Variants in RECK observed in about 807,000 individuals in gnomAD.
RECK encodes the protein reversion inducing cysteine rich protein with kazal motifs, also known as reversion-inducing cysteine-rich protein with Kazal motifs.
RECK carries 69 observed loss-of-function variants against 115.1 expected under a neutral mutation model. That is an observed-to-expected ratio of 0.60 (90% CI 0.49 to 0.73). RECK has a LOEUF of 0.73. Ranked by LOEUF, RECK falls within the 30% of genes least tolerant of loss-of-function variation. The probability of loss-of-function intolerance (pLI) is 0.00; values close to 1 mark genes in which losing one functional copy is unlikely to be tolerated. For missense variants in RECK, 1,047 were observed against 1,203.7 expected, an observed-to-expected ratio of 0.87 and a Z score of 1.93; for synonymous variants, 414 against 419.7, an observed-to-expected ratio of 0.99 and a Z score of 0.17.
chr9:36,085,469 C>T (rs1040617776), intron 8 of RECK: 1 of 154,370 alleles, frequency 6.5e-6, no homozygotes, highest in Non-Finnish European at 1.5e-5. Context: ...TGTCTGTAAT[C>T]TCAGCGCTTT....
chr9:36,113,653 C>G (rs113567659), intron 16 of RECK, among the ~76,000 whole-genome samples: 101 of 152,196 alleles, frequency 6.6e-4, no homozygotes, highest in African/African-American at 2.4e-3. Flanking sequence ...GCTACATGAA[C>G]CTCAAAATTT....
chr9:36,071,203 C>T (rs1054949153), intron 6 of RECK, among the ~76,000 whole-genome samples: 15 of 152,102 alleles, frequency 9.9e-5, no homozygotes, highest in African/African-American at 2.4e-4. Context: ...GCATAGTCTT[C>T]GTTCACAGGT....
In RECK at chr9:36,078,615, AC is replaced by A. The variant is rs570974034; in HGVS notation, c.406-1986del. On this transcript the variant is annotated intron_variant, in intron 6 of 20. Coordinates refer to ENST00000377966, the MANE Select transcript of RECK (RefSeq NM_021111.3). ...CAAATGTACCATGGGAAGCAAAATC[AC>A]CCCTAGTTGAAAACCACTTCTGTGG... Among the ~76,000 whole-genome samples the A allele has an allele frequency of 2.6e-3, 401 of 152,218 alleles. 3 individuals carry two copies. Among genetic ancestry groups the A allele is most frequent in the African/African-American group, 9.3e-3 (385 of 41,524 alleles).
chr9:36,084,121 T>A (rs1822844109), intron 8 of RECK, among the ~76,000 whole-genome samples: 1 of 151,844 alleles, frequency 6.6e-6, no homozygotes, highest in Non-Finnish European at 1.5e-5. Context: ...CAAGGCTGAG[T>A]GTGGTCGCTC....
chr9:36,048,156 T>TAC (rs913551981), intron 1 of RECK, among the ~76,000 whole-genome samples: 12 of 129,354 alleles, frequency 9.3e-5, no homozygotes, highest in Admixed American at 8.5e-4. Context: ...TATATATATA[T>TAC]ATATGTAAAA....
chr9:36,055,037 C>A (rs1821466514), intron 2 of RECK, among the ~76,000 whole-genome samples: 1 of 152,160 alleles, frequency 6.6e-6, no homozygotes, highest in Admixed American at 6.5e-5. Context: ...GGGTAAAAAA[C>A]TTCTCAGAAT....
At chr9:36,098,510 T>A (rs986085105) in intron 10 of RECK, among the ~76,000 whole-genome samples, 3 of 152,232 alleles carry the variant, frequency 2.0e-5, no homozygotes, top group Non-Finnish European at 4.4e-5. Flanking sequence ...ATTCTTGTAG[T>A]ATGTTACTAC....
At chr9:36,083,668 A>G (rs183126840) in intron 8 of RECK, 106 bp downstream of exon 8, 4 of 1,181,980 alleles carry the variant, frequency 3.4e-6, no homozygotes, top group Non-Finnish European at 3.5e-6. Flanking sequence ...CATTTGAGAA[A>G]TATCAGACTT....
At position 36,036,961 on chromosome 9, in the gene RECK, C is replaced by T. The variant is rs1326801117; in HGVS notation, c.-38C>T. On this transcript the variant is annotated 5_prime_UTR_variant, in exon 1 of 21. Coordinates refer to ENST00000377966, the MANE Select transcript of RECK (RefSeq NM_021111.3). The stretch of plus-strand genomic sequence containing the variant: ...GGCAGCGGCTGCGGCCAAGCTGGGT[C>T]CGAGCATCCCGCGGCTCTGGAGCCG... The T allele has an allele frequency of 8.1e-6, 11 of 1,351,384 alleles. No individual in the cohort carries two copies. Among genetic ancestry groups the T allele is most frequent in the Non-Finnish European group, 2.9e-6 (3 of 1,038,640 alleles). The allele number at this position is 1,351,384 out of a possible 1,614,324, so 83.7% of individuals were successfully genotyped here.
chr9:36,116,583 C>T (rs1824277199), intron 16 of RECK, among the ~76,000 whole-genome samples: 1 of 152,232 alleles, frequency 6.6e-6, no homozygotes, highest in African/African-American at 2.4e-5. Context: ...CTGTCTGTGC[C>T]TGCTTGGCTC....
chr9:36,105,540 A>T (rs773400428), intron 13 of RECK, among the ~76,000 whole-genome samples: 17 of 152,208 alleles, frequency 1.1e-4, no homozygotes, highest in Non-Finnish European at 2.1e-4. Flanking sequence ...ATTGTAAACT[A>T]ATAATAACAG....
At chr9:36,052,784 G>A (rs1821358368) in intron 2 of RECK, among the ~76,000 whole-genome samples, 1 of 152,096 alleles carries the variant, frequency 6.6e-6, no homozygotes, top group Non-Finnish European at 1.5e-5. Flanking sequence ...ACAGATTAAA[G>A]GAAACTAAAG....
intron 5 of RECK, 52 bp downstream of exon 5, chr9:36,063,932 A>G (rs1564108146): frequency 2.6e-6 from 4 of 1,551,820 alleles, no homozygotes; most frequent in Admixed American, 1.7e-5. Flanking sequence ...GTTTGGTTTT[A>G]GCTGTGCACA....
intron 1 of RECK, among the ~76,000 whole-genome samples, chr9:36,050,538 C>A (rs1193989661): frequency 6.6e-6 from 1 of 152,184 alleles, no homozygotes; most frequent in East Asian, 1.9e-4. Context: ...TCCTCCCTTA[C>A]TCCTGTGTAT....
intron 15 of RECK, among the ~76,000 whole-genome samples, chr9:36,111,223 A>G (rs1316272095): frequency 6.6e-6 from 1 of 152,212 alleles, no homozygotes; most frequent in African/African-American, 2.4e-5. Context: ...TAGCAGACTA[A>G]GGAAATTTTA....
intron 7 of RECK, among the ~76,000 whole-genome samples, chr9:36,082,844 C>A (rs537967271): frequency 2.0e-5 from 3 of 152,192 alleles, no homozygotes; most frequent in Non-Finnish European, 4.4e-5. Flanking sequence ...CCTTACATCA[C>A]TTAGTTTTTA....
intron 8 of RECK, among the ~76,000 whole-genome samples, chr9:36,087,160 A>G (rs916256266): frequency 2.6e-5 from 4 of 152,034 alleles, no homozygotes; most frequent in African/African-American, 7.2e-5. Context: ...TAAGCAGAGC[A>G]TGACAAAAAA....
chr9:36,096,049 CA>C (rs1823324945), intron 10 of RECK, among the ~76,000 whole-genome samples: 2 of 117,330 alleles, frequency 1.7e-5, no homozygotes, highest in African/African-American at 6.2e-5. Flanking sequence ...GCCTGGGCAA[CA>C]AGAATGAAAC....
At chr9:36,096,348 C>A (rs1044003239) in intron 10 of RECK, among the ~76,000 whole-genome samples, 6 of 151,898 alleles carry the variant, frequency 4.0e-5, no homozygotes, top group African/African-American at 1.5e-4. Context: ...ACCAGCCTGG[C>A]CAACATGGTG....
Sources: gnomAD v4.1 joint callset for allele counts (sites outside exome capture counted in the v4.1 genomes callset) on GRCh38, gnomAD v4.1.1 for gene constraint, MANE v1.5 for transcripts, NCBI Gene and HGNC (gene_info 2026-07-23, HGNC 2026-07-21) for gene names.